The following SHROOM3 variants were observed in gnomAD, a reference collection of about 807,000 sequenced individuals.
SHROOM3 encodes the protein protein Shroom3.
In SHROOM3, 47 loss-of-function variants were observed where a neutral mutation model predicts 138.6. The ratio of observed to expected loss-of-function variants is 0.34; its 90% confidence interval spans 0.27 to 0.43. The LOEUF is 0.43. SHROOM3 is among the 20% of genes least tolerant of loss of function. The pLI, the probability that SHROOM3 is intolerant of heterozygous loss-of-function variation, is 1.00. For missense variants in SHROOM3, 2,491 were observed against 2,596.5 expected, an observed-to-expected ratio of 0.96 and a Z score of 0.88; for synonymous variants, 1,062 against 1,063.3, an observed-to-expected ratio of 1.00 and a Z score of 0.02.
intron 2 of SHROOM3, among the ~76,000 whole-genome samples, chr4:76,679,721 T>C (rs3943037): frequency 0.3 from 45,287 of 152,030 alleles, 7,003 homozygotes; most frequent in East Asian, 0.42. Context: ...GGTTAGGTTC[T>C]GAATGCCATC....
At chr4:76,471,701 ACAT>A (rs1362035546) in intron 1 of SHROOM3, among the ~76,000 whole-genome samples, 6 of 152,188 alleles carry the variant, frequency 3.9e-5, no homozygotes, top group Non-Finnish European at 7.4e-5. Flanking sequence ...AATGGGCCCA[ACAT>A]CTAACAATAA....
Position 76,717,710 on chromosome 4 carries a change from A to T in SHROOM3, c.455+7423A>T, listed in dbSNP as rs114126777. 1.9e-3 allele frequency among the ~76,000 whole-genome samples: 290 copies of T among 152,220 alleles called. 1 individual carries two copies. Among genetic ancestry groups the T allele is most frequent in the African/African-American group, 6.4e-3 (264 of 41,532 alleles). On this transcript the variant is annotated intron_variant, in intron 3 of 10. Transcript: ENST00000296043. ...GTGAACCTAAAACTGCTCTAAAAAAATTTTTTTAAGTCTATTTTTTAAAAA... is the reference window on the plus strand; with the variant it reads ...GTGAACCTAAAACTGCTCTAAAAAATTTTTTTTAAGTCTATTTTTTAAAAA...
chr4:76,471,751 C>A lies in SHROOM3; in HGVS notation c.168+35531C>A, dbSNP rs186616402. On this transcript the variant is annotated intron_variant, in intron 1 of 10. Transcript: ENST00000296043. ...TACCTTAAACACCATTTTTTGAACA[C>A]TTACTGCTCCCAGGCTCTGAACATC... Among the ~76,000 whole-genome samples the A allele has an allele frequency of 2.1e-3, 318 of 152,312 alleles. 1 individual carries two copies. Among genetic ancestry groups the A allele is most frequent in the African/African-American group, 7.3e-3 (305 of 41,558 alleles).
chr4:76,589,683 A>G (rs1734224902), intron 2 of SHROOM3, among the ~76,000 whole-genome samples: 2 of 152,204 alleles, frequency 1.3e-5, no homozygotes, highest in African/African-American at 4.8e-5. Flanking sequence ...TCTGCCCACT[A>G]AAACATGTGT....
At chr4:76,763,346 C>T (rs1490960733) in intron 9 of SHROOM3, among the ~76,000 whole-genome samples, 1 of 151,558 alleles carries the variant, frequency 6.6e-6, no homozygotes, top group Non-Finnish European at 1.5e-5. Flanking sequence ...GAGATCGTGC[C>T]ACTGCACTCC....
intron 2 of SHROOM3, among the ~76,000 whole-genome samples, chr4:76,692,636 T>G (rs2110108660): frequency 6.6e-6 from 1 of 152,210 alleles, no homozygotes; most frequent in South Asian, 2.1e-4. Flanking sequence ...GGAAAATGGG[T>G]AAAGAAACAG....
intron 1 of SHROOM3, among the ~76,000 whole-genome samples, chr4:76,523,121 G>A (rs890703744): frequency 6.6e-6 from 1 of 152,170 alleles, no homozygotes; most frequent in Non-Finnish European, 1.5e-5. Flanking sequence ...CTTCCCCAGT[G>A]TCCTCCAGCT....
rs541617796 is a variant in SHROOM3, at chr4:76,541,762, C to G, written c.169-13847C>G. Among the ~76,000 whole-genome samples, 65 of 152,224 alleles carry G rather than the reference C, an allele frequency of 4.3e-4. No homozygotes were observed. In the South Asian group the frequency reaches 0.012, roughly 29 times the overall value. On this transcript the variant is annotated intron_variant, in intron 1 of 10. Transcript: ENST00000296043. ...TGGGGCTGGAACTGTCTCCCATGCC[C>G]TTTCTAAGATCTGAGAGCCCAGTGC... is the stretch of plus-strand genomic sequence containing the variant.
At chr4:76,537,826 GATAAATTGA>G (rs1215285135) in intron 1 of SHROOM3, among the ~76,000 whole-genome samples, 1 of 152,274 alleles carries the variant, frequency 6.6e-6, no homozygotes, top group East Asian at 1.9e-4. Context: ...TTTAGGGCAT[GATAAATTGA>G]ATATTCTAAA....
intron 2 of SHROOM3, among the ~76,000 whole-genome samples, chr4:76,585,017 A>G (rs1165423162): frequency 1.3e-5 from 2 of 152,212 alleles, no homozygotes; most frequent in Non-Finnish European, 2.9e-5. Flanking sequence ...TAACTCTGGA[A>G]TTCAAGTGGA....
intron 1 of SHROOM3, among the ~76,000 whole-genome samples, chr4:76,521,850 G>A (rs1732573316): frequency 1.3e-5 from 2 of 152,126 alleles, no homozygotes; most frequent in Non-Finnish European, 2.9e-5. Flanking sequence ...CTTTCACCAT[G>A]TAATCAACTT....
chr4:76,527,926 T>C (rs1579214209), intron 1 of SHROOM3, among the ~76,000 whole-genome samples: 1 of 152,314 alleles, frequency 6.6e-6, no homozygotes, highest in Admixed American at 6.5e-5. Flanking sequence ...GGAAGGGCCC[T>C]GTTGATTTAG....
chr4:76,681,343 G>A (rs1251375882), intron 2 of SHROOM3, among the ~76,000 whole-genome samples: 2 of 151,928 alleles, frequency 1.3e-5, no homozygotes, highest in East Asian at 3.9e-4. Context: ...AATTATCATA[G>A]CCACTATTTT....
intron 2 of SHROOM3, among the ~76,000 whole-genome samples, chr4:76,662,426 T>A (rs569547193): frequency 2.0e-5 from 3 of 152,290 alleles, no homozygotes; most frequent in African/African-American, 7.2e-5. Flanking sequence ...GCTTTGAATC[T>A]CTCTGCCTTC....
At chr4:76,584,934 G>C (rs1028460032) in intron 2 of SHROOM3, among the ~76,000 whole-genome samples, 2 of 152,084 alleles carry the variant, frequency 1.3e-5, no homozygotes, top group African/African-American at 4.8e-5. Flanking sequence ...AGATGATTCT[G>C]TGCCCCACCC....
At chr4:76,478,069 C>T (rs913128898) in intron 1 of SHROOM3, among the ~76,000 whole-genome samples, 1 of 152,178 alleles carries the variant, frequency 6.6e-6, no homozygotes, top group Non-Finnish European at 1.5e-5. Context: ...AGACACCGAG[C>T]TAGCTACAGG....
intron 2 of SHROOM3, among the ~76,000 whole-genome samples, chr4:76,587,857 G>A (rs1734185223): frequency 1.3e-5 from 2 of 152,148 alleles, no homozygotes; most frequent in Admixed American, 1.3e-4. Flanking sequence ...AAATGTTGAA[G>A]TTGTTAAAGA....
At chr4:76,689,320 C>A (rs890097480) in intron 2 of SHROOM3, among the ~76,000 whole-genome samples, 7 of 139,264 alleles carry the variant, frequency 5.0e-5, no homozygotes, top group African/African-American at 1.5e-4. Flanking sequence ...CCGGGCCAAT[C>A]CGGGAGGCTT....
At chr4:76,734,348 T>TA (rs1343560909) in intron 4 of SHROOM3, among the ~76,000 whole-genome samples, 1 of 152,202 alleles carries the variant, frequency 6.6e-6, no homozygotes, top group Non-Finnish European at 1.5e-5. Context: ...CAATAGTTTA[T>TA]AAAAGACTCA....
Sources: allele counts gnomAD v4.1 joint callset (sites outside exome capture counted in the v4.1 genomes callset), GRCh38; gene constraint gnomAD v4.1.1; transcripts MANE v1.5; gene names NCBI Gene and HGNC (gene_info 2026-07-23, HGNC 2026-07-21).